Variants in WDR70 observed in about 807,000 individuals in gnomAD.
WDR70 encodes the protein WD repeat domain 70.
Under a neutral mutation model 88.6 loss-of-function variants are expected in WDR70, and 53 were observed. The observed-to-expected ratio is 0.60, with a 90% confidence interval of 0.48 to 0.75. The LOEUF (loss-of-function observed/expected upper bound fraction) is 0.75, where lower values mean the gene tolerates loss of function less well. Among genes scored for constraint, WDR70 ranks in the 30% least tolerant of loss-of-function variants. The pLI, the probability that WDR70 is intolerant of heterozygous loss-of-function variation, is 0.00. For missense variants in WDR70, 610 were observed against 823.2 expected (o/e 0.74, Z 3.17); for synonymous variants, 280 against 270.0 (o/e 1.04, Z -0.36).
chr5:37,645,299 C>T (rs1745203574), intron 10 of WDR70, among the ~76,000 whole-genome samples: 1 of 151,800 alleles, frequency 6.6e-6, no homozygotes, highest in Non-Finnish European at 1.5e-5. Flanking sequence ...GTATCATTTC[C>T]AAATTCCCCT....
intron 8 of WDR70, among the ~76,000 whole-genome samples, chr5:37,499,906 T>C (rs1486430424): frequency 4.6e-5 from 7 of 152,202 alleles, no homozygotes; most frequent in African/African-American, 1.4e-4. Flanking sequence ...CAAATTCTAA[T>C]TTATCAATTT....
At chr5:37,379,756 GGA>G (rs990713582) in intron 2 of WDR70, among the ~76,000 whole-genome samples, 11 of 148,300 alleles carry the variant, frequency 7.4e-5, no homozygotes, top group African/African-American at 2.7e-4. Flanking sequence ...ATGAGAGTCT[GGA>G]GAGAGAGGAA....
intron 14 of WDR70, 103 bp downstream of exon 14, chr5:37,721,318 C>T (rs1380313736): frequency 6.9e-6 from 7 of 1,017,002 alleles, no homozygotes; most frequent in African/African-American, 1.6e-5. Context: ...GATGGAGATC[C>T]ACCCATTTAG....
rs536253164 is a variant in WDR70 at position 37,620,942 on chromosome 5, G to A, written c.1092+15704G>A. 3.0e-4 allele frequency among the ~76,000 whole-genome samples: 46 copies of A among 152,244 alleles called. No homozygotes were observed. The South Asian group carries it at 8.9e-3, about 30-fold the overall frequency. On this transcript the variant is annotated intron_variant, in intron 10 of 17. Coordinates refer to ENST00000265107, the MANE Select transcript of WDR70 (RefSeq NM_018034.4). Reference sequence around the variant, plus strand: ...TGAATGGTGATGGAGAGGAAGAGGGGCTGCAGAGATTTAGAACAGGAAGCA... The same window carrying A: ...TGAATGGTGATGGAGAGGAAGAGGGACTGCAGAGATTTAGAACAGGAAGCA...
At chr5:37,715,924 A>T (rs1385831649) in intron 13 of WDR70, among the ~76,000 whole-genome samples, 1 of 151,992 alleles carries the variant, frequency 6.6e-6, no homozygotes, top group Non-Finnish European at 1.5e-5. Context: ...ACACACACAC[A>T]CGCACACACA....
chr5:37,526,432 G>T (rs1468192607), intron 9 of WDR70, among the ~76,000 whole-genome samples: 1 of 152,086 alleles, frequency 6.6e-6, no homozygotes, highest in African/African-American at 2.4e-5. Context: ...AAATTCAATA[G>T]CCCTTCATGC....
At chr5:37,655,898 AGAG>A (rs1745541060) in intron 10 of WDR70, among the ~76,000 whole-genome samples, 3 of 151,976 alleles carry the variant, frequency 2.0e-5, no homozygotes, top group Admixed American at 1.3e-4. Context: ...CGTTTAGCTC[AGAG>A]GAGTTCATTA....
intron 10 of WDR70, among the ~76,000 whole-genome samples, chr5:37,618,546 T>A (rs1275162294): frequency 1.3e-5 from 2 of 152,082 alleles, no homozygotes; most frequent in African/African-American, 4.8e-5. Flanking sequence ...ATTTTCATAT[T>A]TTTAGTAGAG....
intron 4 of WDR70, among the ~76,000 whole-genome samples, chr5:37,394,285 C>CAA (rs199867827): frequency 0.055 from 5,239 of 95,656 alleles, 359 homozygotes; most frequent in African/African-American, 0.15. Context: ...GACTCTGTCT[C>CAA]AAAAAAAAAA....
intron 10 of WDR70, among the ~76,000 whole-genome samples, chr5:37,696,136 A>T (rs1746974093): frequency 1.3e-5 from 2 of 152,158 alleles, no homozygotes; most frequent in South Asian, 4.1e-4. Context: ...TTATCTGGGC[A>T]CATTTGTGTT....
At chr5:37,608,901 G>A (rs1744109673) in intron 10 of WDR70, among the ~76,000 whole-genome samples, 2 of 152,164 alleles carry the variant, frequency 1.3e-5, no homozygotes, top group Admixed American at 6.5e-5. Context: ...TTTGCTGCAT[G>A]AGGGAAAGGA....
chr5:37,394,165 C>T lies in WDR70; in HGVS notation c.296+2045C>T, dbSNP rs1026115675. On this transcript the variant is annotated intron_variant, in intron 4 of 17. Transcript: ENST00000265107. ...ACTAAAAATACAAAAATTAGCTGGG[C>T]GTGGTGGCTCATGCCTGTAATTCCA... is the stretch of plus-strand genomic sequence containing the variant. Among the ~76,000 whole-genome samples the T allele has an allele frequency of 6.0e-5, 9 of 150,928 alleles. No homozygotes were observed. The East Asian group carries it at 9.8e-4, about 16-fold the overall frequency.
At chr5:37,407,390 A>G (rs1749385273) in intron 5 of WDR70, among the ~76,000 whole-genome samples, 1 of 152,058 alleles carries the variant, frequency 6.6e-6, no homozygotes, top group Non-Finnish European at 1.5e-5. Context: ...AGCCGGGTGT[A>G]GTGAGCACCT....
At chr5:37,488,906 T>C (rs1739978814) in intron 8 of WDR70, among the ~76,000 whole-genome samples, 2 of 152,246 alleles carry the variant, frequency 1.3e-5, no homozygotes, top group Non-Finnish European at 2.9e-5. Context: ...GCAACTCTTG[T>C]AACAGTTACT....
intron 15 of WDR70, 47 bp from the exon 16 acceptor site, chr5:37,724,887 G>C: frequency 6.6e-7 from 1 of 1,518,460 alleles, no homozygotes; most frequent in Non-Finnish European, 9.1e-7. Flanking sequence ...TTTTTGGATG[G>C]GAAGGTTATT....
intron 9 of WDR70, among the ~76,000 whole-genome samples, chr5:37,543,137 T>G (rs941146923): frequency 7.2e-5 from 11 of 152,116 alleles, no homozygotes; most frequent in African/African-American, 2.7e-4. Flanking sequence ...CCATCTTATA[T>G]CCCGCCAACC....
At chr5:37,530,632 G>A (rs1468608611) in intron 9 of WDR70, among the ~76,000 whole-genome samples, 1 of 151,722 alleles carries the variant, frequency 6.6e-6, no homozygotes, top group Non-Finnish European at 1.5e-5. Flanking sequence ...TTGTATTTTT[G>A]TGGTGTCAGT....
At chr5:37,661,436 C>T (rs1323861012) in intron 10 of WDR70, among the ~76,000 whole-genome samples, 1 of 152,214 alleles carries the variant, frequency 6.6e-6, no homozygotes, top group African/African-American at 2.4e-5. Context: ...CAAAGCAGTG[C>T]CTGCCACCAG....
chr5:37,750,683 T>A (rs1414775133), intron 17 of WDR70, among the ~76,000 whole-genome samples: 1 of 45,988 alleles, frequency 2.2e-5, no homozygotes, highest in African/African-American at 2.9e-5. Flanking sequence ...GATCTGATGG[T>A]TTTACAAAGG....
Sources: gnomAD v4.1 joint callset for allele counts (sites outside exome capture counted in the v4.1 genomes callset) on GRCh38, gnomAD v4.1.1 for gene constraint, MANE v1.5 for transcripts, NCBI Gene and HGNC (gene_info 2026-07-23, HGNC 2026-07-21) for gene names.